The following INTS7 variants were observed in gnomAD, a reference collection of about 807,000 sequenced individuals.
INTS7 encodes chromosome 1 open reading frame 73.
Under a neutral mutation model 109.2 loss-of-function variants are expected in INTS7, and 46 were observed. The observed-to-expected ratio is 0.42, with a 90% CI of 0.33 to 0.54. INTS7 has a LOEUF of 0.54. Ranked by LOEUF, INTS7 falls within the 20% of genes least tolerant of loss-of-function variation. INTS7 has a pLI of 0.07. For missense variants in INTS7, 929 were observed against 1,132.4 expected (o/e 0.82, Z 2.58); for synonymous variants, 412 against 402.9 (o/e 1.02, Z -0.27).
intron 10 of INTS7, among the ~76,000 whole-genome samples, chr1:211,980,507 C>T (rs1664616655): frequency 6.6e-6 from 1 of 152,058 alleles, no homozygotes; most frequent in African/African-American, 2.4e-5. Context: ...GCAATAATGG[C>T]TCCCTGCAGC....
rs761355872 is a variant in INTS7, at chr1:211,946,657, G to C, written c.2365C>G (p.Leu789Val). Residue 789 changes from leucine (L) to valine (V), a missense_variant, in exon 18 of 20, where the codon CTT (leucine) becomes GTT (valine). Physicochemically the swap from Leu to Val is conservative, Grantham distance 32. Coordinates refer to ENST00000366994, the MANE Select transcript of INTS7 (RefSeq NM_015434.4). The surrounding 1 kb of genome is among the most constrained non-coding windows in gnomAD (Gnocchi z 4.3). ...NAIIALLKVPLSFQRYFFQKL... is the reference protein window; with the variant it reads ...NAIIALLKVPVSFQRYFFQKL... ...TGGAAAAAATATCTCTGGAAAGAAAGGGGAACTTTCAGCAAAGCAATGATG... is the reference window on the plus strand; with the variant it reads ...TGGAAAAAATATCTCTGGAAAGAAACGGGAACTTTCAGCAAAGCAATGATG... The C allele has an allele frequency of 5.6e-6, 9 of 1,613,452 alleles. No individual in the cohort carries two copies. Among genetic ancestry groups the C allele is most frequent in the Non-Finnish European group, 7.6e-6 (9 of 1,179,598 alleles).
intron 7 of INTS7, among the ~76,000 whole-genome samples, chr1:211,993,280 C>G (rs1430422426): frequency 6.6e-6 from 1 of 152,188 alleles, no homozygotes; most frequent in Non-Finnish European, 1.5e-5. Context: ...TAGAAGCTCT[C>G]AGAAGAGATA....
At chr1:212,024,120 T>C (rs1195467799) in intron 1 of INTS7, among the ~76,000 whole-genome samples, 1 of 152,218 alleles carries the variant, frequency 6.6e-6, no homozygotes, top group Admixed American at 6.5e-5. Context: ...CCTTACAAAA[T>C]AGTTTGAAAT....
At chr1:212,035,277 A>G in intron 1 of INTS7, 67 bp downstream of exon 1, 1 of 1,086,112 alleles carries the variant, frequency 9.2e-7, no homozygotes, top group African/African-American at 1.5e-5. Flanking sequence ...TCCCAAAGCA[A>G]CCACCACCTG....
intron 1 of INTS7, among the ~76,000 whole-genome samples, chr1:212,035,141 T>A (rs1331370004): frequency 6.6e-6 from 1 of 152,184 alleles, no homozygotes; most frequent in Non-Finnish European, 1.5e-5. Flanking sequence ...GTTTAGCCGG[T>A]ATAAGGCCAG....
intron 13 of INTS7, among the ~76,000 whole-genome samples, chr1:211,974,748 G>A (rs913871005): frequency 3.3e-5 from 5 of 152,194 alleles, no homozygotes; most frequent in African/African-American, 1.2e-4. Context: ...GATACAAAGT[G>A]GGACACTAGA....
At chr1:211,973,047 C>A (rs1019452337) in intron 13 of INTS7, among the ~76,000 whole-genome samples, 1 of 152,180 alleles carries the variant, frequency 6.6e-6, no homozygotes, top group Non-Finnish European at 1.5e-5. Flanking sequence ...TCTTCCCAGG[C>A]TCAGGTGATT....
At position 211,946,615 on chromosome 1, in the gene INTS7, TG is replaced by T; in HGVS notation, c.2406del (p.Ser803AlafsTer27). 1 of 1,594,422 alleles carries T rather than the reference TG, an allele frequency of 6.3e-7. No individual in the cohort carries two copies. Among genetic ancestry groups the T allele is most frequent in the Non-Finnish European group, 8.6e-7 (1 of 1,162,268 alleles). ...TATTCTTCCTGTATTACCTTGATGCTGGTAGACTGTAGTTTCTGGAAAAAAT... is the reference window on the plus strand; with the variant it reads ...TATTCTTCCTGTATTACCTTGATGCTGTAGACTGTAGTTTCTGGAAAAAAT... ...QRYFFQKLQSTSIKLALSPSP... is the reference protein window; with the variant it reads ...QRYFFQKLQSXSIKLALSPSP... On this transcript the variant is annotated frameshift_variant, in exon 18 of 20. Coordinates refer to ENST00000366994, the MANE Select transcript of INTS7 (RefSeq NM_015434.4). LOFTEE classifies it high-confidence loss of function. This position sits in a 1 kb window ranked among gnomAD's most constrained non-coding sequence, Gnocchi z 4.3.
In INTS7 at chr1:211,981,094, T is replaced by G. The variant is rs746747946; in HGVS notation, c.1229A>C (p.Lys410Thr). ...AACTTAATAAATAAAAGTTTTCACC[T>G]TTAAAGTGGCCTGAGCACCTGGACT... ...DDSPGAQATL[K>T]IALNCMVKLA... is the part of the protein sequence containing the mutation. Residue 410 changes from lysine to threonine, a missense_variant and splice_region_variant, in exon 10 of 20, where the codon AAG (lysine) becomes ACG (threonine). Around this residue, in one of 2 missense-constraint regions of INTS7, gnomAD observed 787 missense variants for 901.1 expected, o/e 0.87. Transcript: ENST00000366994. The G allele has an allele frequency of 2.9e-5, 46 of 1,603,102 alleles. No individual in the cohort carries two copies. In the East Asian group the frequency reaches 9.8e-4, roughly 34 times the overall value.
In INTS7 at chr1:211,978,348, T is replaced by C; in HGVS notation, c.1394A>G (p.Asp465Gly). 1 of 1,614,174 alleles carries C rather than the reference T, an allele frequency of 6.2e-7. No homozygotes were observed. The highest frequency in any genetic ancestry group is 8.5e-7 in the Non-Finnish European group (1 of 1,180,026). The part of the protein sequence containing the change: ...AIAMQLPVLG[D>G]GMLGDLMELY... ...CTCCATGAGGTCACCAAGCATCCCA[T>C]CACCCAGCACCGGCAGTTGCATGGC... The change falls in exon 11 of 20, where the codon GAT becomes GGT. Residue 465 changes from aspartate to glycine, a missense_variant. Physicochemically the swap from Asp to Gly is moderately conservative, Grantham distance 94. Around this residue, in one of 2 missense-constraint regions of INTS7, gnomAD observed 787 missense variants for 901.1 expected, o/e 0.87. Coordinates refer to ENST00000366994, the MANE Select transcript of INTS7 (RefSeq NM_015434.4).
chr1:211,988,079 T>A, intron 7 of INTS7, 76 bp from the exon 8 acceptor site: 1 of 731,770 alleles, frequency 1.4e-6, no homozygotes, highest in Non-Finnish European at 2.2e-6. Context: ...CATTTACATT[T>A]TCTGGCTTTT....
chr1:211,958,071 A>T (rs199780003), intron 16 of INTS7, among the ~76,000 whole-genome samples: 680 of 30,708 alleles, frequency 0.022, 6 homozygotes, highest in African/African-American at 0.044. Context: ...TTTAAAAATT[A>T]AAAAAAAAAA....
At position 211,952,973 on chromosome 1, in the gene INTS7, C is replaced by T. The variant is rs1011460136; in HGVS notation, c.2184-272G>A. On this transcript the variant is annotated intron_variant, in intron 16 of 19. Coordinates refer to ENST00000366994, the MANE Select transcript of INTS7 (RefSeq NM_015434.4). Reference sequence around the variant, plus strand: ...GTTGCCAGGAAATATGACAGTGTTACTGCCACAGGTGAAAGAGACATAAAC... The same window carrying T: ...GTTGCCAGGAAATATGACAGTGTTATTGCCACAGGTGAAAGAGACATAAAC... 5.3e-5 allele frequency among the ~76,000 whole-genome samples: 8 copies of T among 152,116 alleles called. No individual in the cohort carries two copies. In the East Asian group the frequency reaches 1.3e-3, roughly 26 times the overall value.
intron 16 of INTS7, among the ~76,000 whole-genome samples, chr1:211,956,853 C>A (rs1173249458): frequency 6.6e-6 from 1 of 152,170 alleles, no homozygotes; most frequent in Admixed American, 6.5e-5. Context: ...TTGGGTTTTT[C>A]CAGATTTGTT....
At chr1:211,975,972 T>G (rs1430918898) in intron 12 of INTS7, among the ~76,000 whole-genome samples, 1 of 152,026 alleles carries the variant, frequency 6.6e-6, no homozygotes, top group Non-Finnish European at 1.5e-5. Context: ...TTTTTTTAAT[T>G]TATTTTTAGT....
At position 212,016,902 on chromosome 1, in the gene INTS7, A is replaced by G; in HGVS notation, c.493T>C (p.Phe165Leu). ...TAAGCTTACTTTGACTGTGCAGAGA[A>G]GTTTGCAGCAGCAAAAACAGCAGCT... ...VEAAVFAAAN[F>L]SAQSKDFAVG... The change falls in exon 4 of 20, where the codon TTC (phenylalanine) becomes CTC (leucine). Residue 165 changes from phenylalanine to leucine, a missense_variant. By Grantham distance (22) the Phe-to-Leu change is conservative. Transcript: ENST00000366994. The G allele has an allele frequency of 6.2e-7, 1 of 1,606,968 alleles. No homozygotes were observed. Among genetic ancestry groups the G allele is most frequent in the Non-Finnish European group, 8.5e-7 (1 of 1,177,636 alleles).
At chr1:212,001,924 C>G (rs951334193) in intron 7 of INTS7, among the ~76,000 whole-genome samples, 1 of 152,210 alleles carries the variant, frequency 6.6e-6, no homozygotes, top group Non-Finnish European at 1.5e-5. Context: ...AGTCTCATGG[C>G]TTCAAATACC....
rs1666676700 is a variant in INTS7 at position 212,021,139 on chromosome 1, T to A, written c.168A>T (p.Pro56=). 1 of 1,612,520 alleles carries A rather than the reference T, an allele frequency of 6.2e-7. No individual in the cohort carries two copies. Among genetic ancestry groups the A allele is most frequent in the Non-Finnish European group, 8.5e-7 (1 of 1,178,912 alleles). The change falls in exon 2 of 20, where the codon CCA becomes CCT. Residue 56 remains proline (P), a synonymous_variant. Transcript: ENST00000366994. The part of the protein sequence containing the change: ...VRFPRLFQKY[P]FPILINSAFL... Reference sequence around the variant, plus strand: ...ATGCAGAATTGATAAGAATAGGGAATGGATACTTCTGAAAAAGTCTGGGAA... The same window carrying A: ...ATGCAGAATTGATAAGAATAGGGAAAGGATACTTCTGAAAAAGTCTGGGAA...
intron 5 of INTS7, among the ~76,000 whole-genome samples, chr1:212,007,931 CT>C (rs1426360915): frequency 1.3e-5 from 2 of 152,278 alleles, no homozygotes; most frequent in African/African-American, 4.8e-5. Context: ...AAATGCCTTT[CT>C]TTATTGCATA....
Sources: allele counts gnomAD v4.1 joint callset (sites outside exome capture counted in the v4.1 genomes callset), GRCh38; gene constraint gnomAD v4.1.1; regional missense constraint gnomAD v4.1.1; non-coding constraint Gnocchi (gnomAD v3.1); transcripts MANE v1.5; gene names NCBI Gene and HGNC (gene_info 2026-07-23, HGNC 2026-07-21).